JAML: variants seen among roughly 807,000 people sequenced by gnomAD.
JAML encodes junctional adhesion molecule-like.
JAML carries 25 observed loss-of-function variants against 39.3 expected under a neutral mutation model. The observed-to-expected ratio is 0.64, with a 90% CI of 0.46 to 0.89. JAML has a LOEUF of 0.89. JAML is among the 40% of genes least tolerant of loss of function. The pLI, the probability that JAML is intolerant of heterozygous loss-of-function variation, is 0.00. For synonymous variants in JAML, 162 were observed against 179.2 expected (o/e 0.90, Z 0.77); for missense variants, 440 against 486.9 (o/e 0.90, Z 0.91).
intron 1 of JAML, among the ~76,000 whole-genome samples, chr11:118,224,512 ATGT>A (rs1394338483): frequency 6.6e-6 from 1 of 152,222 alleles, no homozygotes. Flanking sequence ...CCACAACATC[ATGT>A]TGTATACCTT....
At chr11:118,219,817 T>A (rs1027007921) in intron 1 of JAML, among the ~76,000 whole-genome samples, 2 of 152,168 alleles carry the variant, frequency 1.3e-5, no homozygotes, top group African/African-American at 4.8e-5. Flanking sequence ...GCATCCAAGT[T>A]TGGAGACAGC....
chr11:118,214,071 T>A (rs1465415083), intron 2 of JAML, among the ~76,000 whole-genome samples: 1 of 151,918 alleles, frequency 6.6e-6, no homozygotes, highest in Non-Finnish European at 1.5e-5. Flanking sequence ...AAAATAATAA[T>A]AAAGAGAAAA....
chr11:118,221,086 T>C (rs976029220), intron 1 of JAML, among the ~76,000 whole-genome samples: 2 of 152,210 alleles, frequency 1.3e-5, no homozygotes, highest in African/African-American at 2.4e-5. Context: ...TTTGCTTATA[T>C]GGTAAAAATC....
chr11:118,200,726 A>T (rs1228274090), intron 6 of JAML, 114 bp from the exon 7 acceptor site: 1 of 1,200,768 alleles, frequency 8.3e-7, no homozygotes, highest in Non-Finnish European at 1.2e-6. Flanking sequence ...GGGGAAGGCC[A>T]GACTCCACCC....
chr11:118,198,653 T>C (rs899855315), intron 7 of JAML, among the ~76,000 whole-genome samples: 3 of 148,394 alleles, frequency 2.0e-5, no homozygotes, highest in Non-Finnish European at 4.4e-5. Flanking sequence ...TCTTTTTTTC[T>C]ATTTTGGCCT....
At chr11:118,214,753 A>C in intron 2 of JAML, 71 bp downstream of exon 2, 2 of 1,476,662 alleles carry the variant, frequency 1.4e-6, no homozygotes, top group Non-Finnish European at 1.9e-6. Context: ...AATATGTAAA[A>C]TTGGCTTTTA....
At chr11:118,198,243 C>A (rs1432838161) in intron 7 of JAML, 152 bp from the exon 8 acceptor site, 2 of 630,128 alleles carry the variant, frequency 3.2e-6, no homozygotes, top group East Asian at 5.5e-5. Flanking sequence ...ACCCGGCTCA[C>A]CTGGAAACCT....
intron 1 of JAML, among the ~76,000 whole-genome samples, chr11:118,217,856 A>G (rs975389790): frequency 1.3e-5 from 2 of 152,212 alleles, no homozygotes; most frequent in Admixed American, 1.3e-4. Context: ...TCTTTGCCAC[A>G]CTATGCTCTT....
rs768520352 is a variant in JAML at position 118,203,419 on chromosome 11, G to A, written c.772+9C>T. On this transcript the variant is annotated intron_variant, in intron 6 of 9. Coordinates refer to ENST00000356289, the MANE Select transcript of JAML (RefSeq NM_001098526.2). ...GTCCCTCAATGCTCCCCAGCCAAAT[G>A]TTAGATACTTCGAGGCTCTTCCGGG... 3.7e-6 allele frequency: 6 copies of A among 1,612,004 alleles called. No individual in the cohort carries two copies. The South Asian group carries it at 5.5e-5, about 15-fold the overall frequency.
At chr11:118,223,473 T>A (rs1214549544) in intron 1 of JAML, among the ~76,000 whole-genome samples, 28 of 152,270 alleles carry the variant, frequency 1.8e-4, no homozygotes, top group Admixed American at 1.8e-3. Context: ...AAGGTGAAAT[T>A]TTGCTTTCTC....
chr11:118,221,191 G>A (rs1949206279), intron 1 of JAML, among the ~76,000 whole-genome samples: 2 of 152,156 alleles, frequency 1.3e-5, no homozygotes, highest in African/African-American at 4.8e-5. Context: ...ATTAAAAGAA[G>A]CATGCGTAAT....
chr11:118,213,193 C>T, intron 2 of JAML: 3 of 1,366,148 alleles, frequency 2.2e-6, no homozygotes, highest in South Asian at 3.6e-5. Context: ...GGGACCCCTG[C>T]CCATTATCTC....
chr11:118,217,446 C>T (rs145342465), intron 1 of JAML, among the ~76,000 whole-genome samples: 26 of 152,320 alleles, frequency 1.7e-4, no homozygotes, highest in African/African-American at 5.1e-4. Context: ...CCTACATACT[C>T]GGATGCACCT....
At chr11:118,206,866 A>G (rs1479778708) in intron 4 of JAML, among the ~76,000 whole-genome samples, 2 of 152,240 alleles carry the variant, frequency 1.3e-5, no homozygotes, top group Non-Finnish European at 2.9e-5. Flanking sequence ...TGTACAAATC[A>G]ACCACAAAGT....
chr11:118,213,678 G>T (rs1054844292), intron 2 of JAML, among the ~76,000 whole-genome samples: 3 of 152,194 alleles, frequency 2.0e-5, no homozygotes, highest in Admixed American at 6.5e-5. Context: ...AAAGCAAAGA[G>T]AAACTGATGT....
rs1026024578 is a variant in JAML, at chr11:118,222,988, G to A, written c.-21+1953C>T. 2.0e-5 allele frequency among the ~76,000 whole-genome samples: 3 copies of A among 151,654 alleles called. No individual in the cohort carries two copies. Among genetic ancestry groups the A allele is most frequent in the Non-Finnish European group, 4.4e-5 (3 of 67,914 alleles). On this transcript the variant is annotated intron_variant, in intron 1 of 9. Transcript: ENST00000356289. The surrounding 1 kb of genome is among the most constrained non-coding windows in gnomAD (Gnocchi z 4.2). The stretch of plus-strand genomic sequence containing the variant: ...TGAGCGCCTGTAATCCCAGCTACTT[G>A]GGAGGCTGAGGCAGGAGAATCACTT...
chr11:118,214,672 AC>A lies in JAML; in HGVS notation c.43+151del. 6.4e-6 allele frequency: 5 copies of A among 786,286 alleles called. No individual in the cohort carries two copies. The South Asian group carries it at 8.7e-5, about 14-fold the overall frequency. 48.7% of individuals were successfully genotyped at this position (786,286 alleles called of 1,614,324 possible). A position where few individuals can be genotyped will look rare whatever the true frequency, so the allele number is the denominator to read the frequency against. ...AACCATAAGCTAGTTGGCTTCAACA[AC>A]AGCTGCTTCAACAAAACTGTGAAGT... On this transcript the variant is annotated intron_variant, in intron 2 of 9. Coordinates refer to ENST00000356289, the MANE Select transcript of JAML (RefSeq NM_001098526.2).
At chr11:118,198,386 G>A (rs1242268219) in intron 7 of JAML, among the ~76,000 whole-genome samples, 1 of 152,186 alleles carries the variant, frequency 6.6e-6, no homozygotes. Context: ...TTAAGTGAAT[G>A]AAGAGAGAGA....
intron 1 of JAML, 51 bp from the exon 2 acceptor site, chr11:118,214,937 A>C: frequency 1.3e-6 from 2 of 1,549,978 alleles, no homozygotes; most frequent in Non-Finnish European, 1.8e-6. Flanking sequence ...GAAGCTCATT[A>C]ATTTAAAAAA....
Sources: allele counts gnomAD v4.1 joint callset (sites outside exome capture counted in the v4.1 genomes callset), GRCh38; gene constraint gnomAD v4.1.1; non-coding constraint Gnocchi (gnomAD v3.1); transcripts MANE v1.5; gene names NCBI Gene and HGNC (gene_info 2026-07-23, HGNC 2026-07-21).